Variants in PDE4B observed in about 807,000 individuals in gnomAD.
PDE4B encodes phosphodiesterase 4B, also known as 3',5'-cyclic-AMP phosphodiesterase 4B.
PDE4B carries 20 observed loss-of-function variants against 82.2 expected under a neutral mutation model. That is an observed-to-expected ratio of 0.24 (90% CI 0.17 to 0.35). The LOEUF is 0.35. Among genes scored for constraint, PDE4B ranks in the 10% least tolerant of loss-of-function variants. PDE4B has a pLI of 1.00. For missense variants in PDE4B, 655 were observed against 907.2 expected, an observed-to-expected ratio of 0.72 and a Z score of 3.57; for synonymous variants, 320 against 318.9, an observed-to-expected ratio of 1.00 and a Z score of -0.04.
intron 3 of PDE4B, among the ~76,000 whole-genome samples, chr1:66,205,081 A>C (rs915963874): frequency 2.5e-4 from 38 of 152,170 alleles, no homozygotes; most frequent in African/African-American, 8.9e-4. Flanking sequence ...TTTAGAATTT[A>C]TGGCTCATCT....
At chr1:65,914,256 C>A (rs184244281) in intron 2 of PDE4B, among the ~76,000 whole-genome samples, 231 of 152,290 alleles carry the variant, frequency 1.5e-3, no homozygotes, top group African/African-American at 5.3e-3. Flanking sequence ...CATACCGTAG[C>A]AAAGCCTTTG....
At position 66,098,922 on chromosome 1, in the gene PDE4B, T is replaced by C. The variant is rs946882940; in HGVS notation, c.282-148538T>C. On this transcript the variant is annotated intron_variant, in intron 3 of 16. Transcript: ENST00000341517. The stretch of plus-strand genomic sequence containing the variant: ...CACACAAATATAGATACAGTGAGAA[T>C]TGAATTACCGTAACACATCTCCATC... Among the ~76,000 whole-genome samples the C allele has an allele frequency of 5.3e-5, 8 of 152,290 alleles. 1 individual carries two copies. In the South Asian group the frequency reaches 1.0e-3, roughly 20 times the overall value.
intron 3 of PDE4B, among the ~76,000 whole-genome samples, chr1:66,142,190 A>C (rs1467061644): frequency 6.6e-6 from 1 of 152,062 alleles, no homozygotes; most frequent in Non-Finnish European, 1.5e-5. Flanking sequence ...AGGAAGAGGA[A>C]GGGGGTGGTC....
At chr1:66,077,301 C>T (rs1410690258) in intron 3 of PDE4B, among the ~76,000 whole-genome samples, 1 of 152,118 alleles carries the variant, frequency 6.6e-6, no homozygotes, top group Non-Finnish European at 1.5e-5. Flanking sequence ...ATAGCTAATG[C>T]ATTTATGCTA....
intron 7 of PDE4B, among the ~76,000 whole-genome samples, chr1:66,307,489 A>G (rs11805788): frequency 2.6e-5 from 4 of 152,198 alleles, no homozygotes; most frequent in African/African-American, 7.2e-5. Context: ...GATGGAATTC[A>G]AATTGACCTT....
At chr1:65,884,242 C>A (rs4460610) in intron 1 of PDE4B, among the ~76,000 whole-genome samples, 4 of 152,018 alleles carry the variant, frequency 2.6e-5, no homozygotes, top group Non-Finnish European at 5.9e-5. Context: ...GTACCAGCTC[C>A]TCCTTGTACC....
intron 3 of PDE4B, among the ~76,000 whole-genome samples, chr1:66,168,621 G>A (rs1402985193): frequency 6.6e-6 from 1 of 152,184 alleles, no homozygotes; most frequent in Non-Finnish European, 1.5e-5. Flanking sequence ...TACCGTCTTG[G>A]AGACCGTTGT....
intron 3 of PDE4B, among the ~76,000 whole-genome samples, chr1:66,222,271 T>G (rs1651052285): frequency 6.6e-6 from 1 of 152,218 alleles, no homozygotes. Context: ...CTGCTTATAT[T>G]TCATTGGCCA....
At chr1:66,174,755 GCAACAACAACAACAACAA>G (rs143629032) in intron 3 of PDE4B, among the ~76,000 whole-genome samples, 1 of 149,084 alleles carries the variant, frequency 6.7e-6, no homozygotes, top group African/African-American at 2.5e-5. Flanking sequence ...CTCAAAAAAA[GCAACAACAACAACAACAA>G]CAACAACAAC....
At chr1:65,813,432 T>C (rs1645842323) in intron 1 of PDE4B, among the ~76,000 whole-genome samples, 1 of 152,062 alleles carries the variant, frequency 6.6e-6, no homozygotes, top group Non-Finnish European at 1.5e-5. Flanking sequence ...GTTTGAGATA[T>C]TTTTGCCATA....
intron 1 of PDE4B, among the ~76,000 whole-genome samples, chr1:65,817,493 A>C (rs185837579): frequency 6.6e-6 from 1 of 152,192 alleles, no homozygotes; most frequent in Admixed American, 6.5e-5. Context: ...ACTGCTGTGT[A>C]CACATGAAGT....
chr1:66,206,903 A>C (rs1229293106), intron 3 of PDE4B, among the ~76,000 whole-genome samples: 1 of 152,208 alleles, frequency 6.6e-6, no homozygotes, highest in African/African-American at 2.4e-5. Context: ...AACATGAGGA[A>C]AATTCTGCAT....
At chr1:65,808,765 A>G (rs1645785209) in intron 1 of PDE4B, among the ~76,000 whole-genome samples, 1 of 152,312 alleles carries the variant, frequency 6.6e-6, no homozygotes, top group South Asian at 2.1e-4. Flanking sequence ...GTAGTACAAA[A>G]GGTTTCTATG....
chr1:66,186,442 C>T (rs936570978), intron 3 of PDE4B, among the ~76,000 whole-genome samples: 1 of 152,102 alleles, frequency 6.6e-6, no homozygotes, highest in Non-Finnish European at 1.5e-5. Flanking sequence ...GCCATTTTCA[C>T]GATATTGATT....
chr1:65,874,951 G>A (rs1557791187), intron 1 of PDE4B, among the ~76,000 whole-genome samples: 1 of 151,736 alleles, frequency 6.6e-6, no homozygotes, highest in African/African-American at 2.4e-5. Flanking sequence ...TTGACAAATG[G>A]GATCTAATTA....
At chr1:66,088,307 T>C (rs978258070) in intron 3 of PDE4B, among the ~76,000 whole-genome samples, 1 of 152,038 alleles carries the variant, frequency 6.6e-6, no homozygotes, top group African/African-American at 2.4e-5. Context: ...AAGTCAGTTT[T>C]AGGATGATGA....
intron 1 of PDE4B, among the ~76,000 whole-genome samples, chr1:65,797,272 G>A (rs1185949604): frequency 2.0e-5 from 3 of 152,134 alleles, no homozygotes; most frequent in Non-Finnish European, 4.4e-5. Context: ...TAGAATAAAT[G>A]CTTTGTAATC....
chr1:66,243,301 A>G (rs141055742), intron 3 of PDE4B, among the ~76,000 whole-genome samples: 92 of 152,284 alleles, frequency 6.0e-4, no homozygotes, highest in African/African-American at 2.0e-3. Flanking sequence ...TTGGAGAAAC[A>G]TTTCGCAGTA....
At chr1:66,251,344 A>G (rs1433421713) in intron 4 of PDE4B, among the ~76,000 whole-genome samples, 1 of 152,254 alleles carries the variant, frequency 6.6e-6, no homozygotes, top group East Asian at 1.9e-4. Context: ...GACGAACCCA[A>G]GAAGTCTAGG....
Sources: gnomAD v4.1 joint callset for allele counts (sites outside exome capture counted in the v4.1 genomes callset) on GRCh38, gnomAD v4.1.1 for gene constraint, MANE v1.5 for transcripts, NCBI Gene and HGNC (gene_info 2026-07-23, HGNC 2026-07-21) for gene names.